The following MANEAL variants were observed in gnomAD, a reference collection of about 807,000 sequenced individuals.
MANEAL encodes the protein mannosidase endo-alpha like, also known as glycoprotein endo-alpha-1,2-mannosidase-like protein.
Under a neutral mutation model 35.9 loss-of-function variants are expected in MANEAL, and 28 were observed. The ratio of observed to expected loss-of-function variants is 0.78; its 90% CI spans 0.58 to 1.07. The LOEUF is 1.07. Among genes scored for constraint, MANEAL ranks in the 50% least tolerant of loss-of-function variants. MANEAL has a pLI of 0.00. For synonymous variants in MANEAL, 286 were observed against 272.2 expected, an observed-to-expected ratio of 1.05 and a Z score of -0.50; for missense variants, 576 against 629.6, an observed-to-expected ratio of 0.91 and a Z score of 0.91.
At chr1:37,796,954 T>A in intron 3 of MANEAL, 134 bp downstream of exon 3, 1 of 863,514 alleles carries the variant, frequency 1.2e-6, no homozygotes, top group Non-Finnish European at 1.8e-6. Flanking sequence ...AGTAAGAGAG[T>A]ACTGGGCCTA....
chr1:37,799,948 CA>C lies in MANEAL; in HGVS notation c.1121del (p.Asn374IlefsTer19), dbSNP rs1557575180. On this transcript the variant is annotated frameshift_variant, in exon 4 of 4. Coordinates refer to ENST00000373045, the MANE Select transcript of MANEAL (RefSeq NM_001113482.2). LOFTEE classifies it high-confidence loss of function. This position sits in a 1 kb window ranked among gnomAD's most constrained non-coding sequence, Gnocchi z 4.1. The stretch of plus-strand genomic sequence containing the variant: ...CCAGCATTCGGCCCTGGAACAACCA[CA>C]ATACGCGCAACAGGGTCAATGGCAA... ...DTSIRPWNNH[N>X]TRNRVNGKYY... 3 of 1,614,226 alleles carry C rather than the reference CA, an allele frequency of 1.9e-6. No individual in the cohort carries two copies.
intron 2 of MANEAL, 49 bp from the exon 3 acceptor site, chr1:37,796,695 G>A: frequency 6.6e-7 from 1 of 1,509,494 alleles, no homozygotes; most frequent in Non-Finnish European, 9.1e-7. Flanking sequence ...GATATGTTGT[G>A]GCCCCTAGAT....
In MANEAL at chr1:37,794,479, G is replaced by T; in HGVS notation, c.297G>T (p.Leu99=). Residue 99 remains leucine (L), a synonymous_variant, in exon 1 of 4, where the codon CTG becomes CTT. Transcript: ENST00000373045. This position sits in a 1 kb window ranked among gnomAD's most constrained non-coding sequence, Gnocchi z 5.7. ...AEAEPAPVQS[L]RVYSDLHAFY... ...CCGAGCCCGCCCCCGTGCAGAGCCTGCGCGTCTACTCGGACCTGCACGCCT... is the reference window on the plus strand; with the variant it reads ...CCGAGCCCGCCCCCGTGCAGAGCCTTCGCGTCTACTCGGACCTGCACGCCT... 6.3e-7 allele frequency: 1 copy of T among 1,594,910 alleles called. No individual in the cohort carries two copies. Among genetic ancestry groups the T allele is most frequent in the Non-Finnish European group, 8.5e-7 (1 of 1,172,170 alleles).
chr1:37,795,080 A>G (rs1195038587), intron 1 of MANEAL, among the ~76,000 whole-genome samples: 1 of 152,142 alleles, frequency 6.6e-6, no homozygotes, highest in Non-Finnish European at 1.5e-5. Flanking sequence ...TGGGGTTCAG[A>G]GGAGTGGAAC....
rs1646687523 is a variant in MANEAL at position 37,800,297 on chromosome 1, T to C, written c.*94T>C. On this transcript the variant is annotated 3_prime_UTR_variant, in exon 4 of 4. Transcript: ENST00000373045. ...AGCTGAGGTTGTAGCCACTCACTCG[T>C]TCCCAGGTCAGAGGTCAGCAGATGG... 4.1e-6 allele frequency: 6 copies of C among 1,470,940 alleles called. No homozygotes were observed. The highest frequency in any genetic ancestry group is 5.5e-6 in the Non-Finnish European group (6 of 1,088,280). The allele number at this position is 1,470,940 out of a possible 1,614,324, so 91.1% of individuals were successfully genotyped here. A position where few individuals can be genotyped will look rare whatever the true frequency, so the allele number is the denominator to read the frequency against.
intron 1 of MANEAL, chr1:37,795,334 T>C: frequency 4.0e-6 from 1 of 249,828 alleles, no homozygotes; most frequent in Non-Finnish European, 6.6e-6. Flanking sequence ...GTCACTGAAT[T>C]TTGCTGGATT....
intron 1 of MANEAL, 95 bp from the exon 2 acceptor site, chr1:37,795,642 A>G: frequency 6.3e-7 from 1 of 1,584,342 alleles, no homozygotes; most frequent in East Asian, 2.3e-5. Flanking sequence ...GGTTTTTAGG[A>G]ACCATTTTTG....
Position 37,793,963 on chromosome 1 carries a change from T to G in MANEAL, c.-220T>G, listed in dbSNP as rs1263999914. ...ACTCGCCGTTCGCTGGGCCTTGCGT[T>G]GCACTCGGCGTGCAGTTCCCCCTCG... On this transcript the variant is annotated 5_prime_UTR_variant, in exon 1 of 4. Transcript: ENST00000373045. 1 of 171,212 alleles carries G rather than the reference T, an allele frequency of 5.8e-6. No individual in the cohort carries two copies. The highest frequency in any genetic ancestry group is 2.4e-5 in the African/African-American group (1 of 41,760). 10.6% of individuals were successfully genotyped at this position (171,212 alleles called of 1,614,324 possible). A position where few individuals can be genotyped will look rare whatever the true frequency, so the allele number is the denominator to read the frequency against.
intron 3 of MANEAL, among the ~76,000 whole-genome samples, chr1:37,798,858 G>A (rs1477375251): frequency 1.3e-5 from 2 of 152,098 alleles, no homozygotes; most frequent in African/African-American, 4.8e-5. Context: ...GGCCAACATG[G>A]TGAAACCCCA....
chr1:37,800,467 G>T lies in MANEAL; in HGVS notation c.*264G>T. 1.9e-6 allele frequency: 1 copy of T among 539,204 alleles called. No individual in the cohort carries two copies. Among genetic ancestry groups the T allele is most frequent in the Non-Finnish European group, 3.3e-6 (1 of 300,214 alleles). The allele number at this position is 539,204 out of a possible 1,614,324, so 33.4% of individuals were successfully genotyped here. The stretch of plus-strand genomic sequence containing the variant: ...TAGCCCAGGGCAGCTCCACATCCTG[G>T]GAACACTTTCATGTAACCCCTTCTA... On this transcript the variant is annotated 3_prime_UTR_variant, in exon 4 of 4. Coordinates refer to ENST00000373045, the MANE Select transcript of MANEAL (RefSeq NM_001113482.2).
Position 37,799,801 on chromosome 1 carries a change from C to T in MANEAL, c.972C>T (p.Thr324=), listed in dbSNP as rs1159111563. The change falls in exon 4 of 4, where the codon ACC becomes ACT. Residue 324 remains threonine (T), a synonymous_variant. Transcript: ENST00000373045. This position sits in a 1 kb window ranked among gnomAD's most constrained non-coding sequence, Gnocchi z 4.1. ...CCGCCGGATTTGACGGCATGTACAC[C>T]TACTTTGCCTCCAATGGTTTCTCCT... is the stretch of plus-strand genomic sequence containing the variant. The part of the protein sequence containing the change: ...ILAAGFDGMY[T]YFASNGFSFG... The T allele has an allele frequency of 6.2e-7, 1 of 1,614,224 alleles. No individual in the cohort carries two copies. The highest frequency in any genetic ancestry group is 8.5e-7 in the Non-Finnish European group (1 of 1,180,042).
At chr1:37,795,531 C>T (rs1646638164) in intron 1 of MANEAL, 2 of 1,393,260 alleles carry the variant, frequency 1.4e-6, no homozygotes, top group African/African-American at 2.9e-5. Context: ...GCTACGGTTC[C>T]CGCAGGCGCT....
chr1:37,798,443 G>A (rs1039227075), intron 3 of MANEAL, among the ~76,000 whole-genome samples: 1 of 152,066 alleles, frequency 6.6e-6, no homozygotes, highest in African/African-American at 2.4e-5. Flanking sequence ...TGAATGAGCA[G>A]TCAGGGCTGG....
At chr1:37,796,880 G>C in intron 3 of MANEAL, 60 bp downstream of exon 3, 1 of 1,479,042 alleles carries the variant, frequency 6.8e-7, no homozygotes, top group Non-Finnish European at 9.3e-7. Flanking sequence ...AGGGATAGAA[G>C]GTTTGGAGGG....
intron 3 of MANEAL, among the ~76,000 whole-genome samples, chr1:37,798,409 G>T (rs932948891): frequency 1.8e-4 from 28 of 152,320 alleles, no homozygotes; most frequent in Admixed American, 1.3e-4. Context: ...GTGAGTCTGA[G>T]GAGACAACAG....
intron 3 of MANEAL, among the ~76,000 whole-genome samples, chr1:37,797,201 G>C (rs1646652481): frequency 6.6e-6 from 1 of 152,030 alleles, no homozygotes; most frequent in African/African-American, 2.4e-5. Context: ...AGGAGTTCGA[G>C]ACCAGCCTGA....
Position 37,794,842 on chromosome 1 carries a change from C to A in MANEAL, c.550+110C>A. ...CCGGCCCTTTGGTCCCACTTATCCG[C>A]CAGCCTGGCTTCTTAGCTGTTCCCT... On this transcript the variant is annotated intron_variant, in intron 1 of 3. Coordinates refer to ENST00000373045, the MANE Select transcript of MANEAL (RefSeq NM_001113482.2). The surrounding 1 kb of genome is among the most constrained non-coding windows in gnomAD (Gnocchi z 5.7). 1 of 715,516 alleles carries A rather than the reference C, an allele frequency of 1.4e-6. No individual in the cohort carries two copies. The highest frequency in any genetic ancestry group is 2.3e-6 in the Non-Finnish European group (1 of 434,026). 44.3% of individuals were successfully genotyped at this position (715,516 alleles called of 1,614,324 possible).
intron 3 of MANEAL, among the ~76,000 whole-genome samples, chr1:37,798,357 A>C (rs1396921193): frequency 2.0e-5 from 3 of 152,206 alleles, no homozygotes; most frequent in African/African-American, 7.2e-5. Flanking sequence ...TTTGTGCTAG[A>C]GTGTGCCCAC....
rs200689432 is a variant in MANEAL, at chr1:37,799,969, T to C, written c.1140T>C (p.Asn380=). The change falls in exon 4 of 4, where the codon AAT becomes AAC. Residue 380 remains asparagine, a synonymous_variant. Coordinates refer to ENST00000373045, the MANE Select transcript of MANEAL (RefSeq NM_001113482.2). The surrounding 1 kb of genome is among the most constrained non-coding windows in gnomAD (Gnocchi z 4.1). Reference sequence around the variant, plus strand: ...ACCACAATACGCGCAACAGGGTCAATGGCAAGTACTATGAGACGGCCCTGC... The same window carrying C: ...ACCACAATACGCGCAACAGGGTCAACGGCAAGTACTATGAGACGGCCCTGC... The part of the protein sequence containing the change: ...WNNHNTRNRV[N]GKYYETALQA... The C allele has an allele frequency of 1.1e-5, 17 of 1,614,066 alleles. No homozygotes were observed. The highest frequency in any genetic ancestry group is 1.4e-5 in the Non-Finnish European group (16 of 1,180,032).
Sources: gnomAD v4.1 joint callset for allele counts (sites outside exome capture counted in the v4.1 genomes callset) on GRCh38, gnomAD v4.1.1 for gene constraint, Gnocchi (gnomAD v3.1) non-coding constraint, MANE v1.5 for transcripts, NCBI Gene and HGNC (gene_info 2026-07-23, HGNC 2026-07-21) for gene names.